The following UGT1A9 variants were observed in gnomAD, a reference collection of about 807,000 sequenced individuals.
UGT1A9 encodes the protein UDP glucuronosyltransferase family 1 member A9.
Under a neutral mutation model 45.0 loss-of-function variants are expected in UGT1A9, and 35 were observed. The ratio of observed to expected loss-of-function variants is 0.78; its 90% CI spans 0.59 to 1.03. UGT1A9 has a LOEUF of 1.03. UGT1A9 is among the 50% of genes least tolerant of loss of function. UGT1A9 has a pLI of 0.00. For synonymous variants in UGT1A9, 278 were observed against 250.6 expected (o/e 1.11, Z -1.03); for missense variants, 687 against 666.6 (o/e 1.03, Z -0.34).
chr2:233,752,963 T>C (rs372881238), intron 1 of UGT1A9, among the ~76,000 whole-genome samples: 4 of 152,322 alleles, frequency 2.6e-5, no homozygotes, highest in African/African-American at 4.8e-5. Context: ...GGGATTTATG[T>C]AACCAATTGT....
chr2:233,682,480 A>C (rs200477397), intron 1 of UGT1A9: 29 of 1,613,824 alleles, frequency 1.8e-5, no homozygotes, highest in Non-Finnish European at 2.4e-5. Context: ...AAGAAGGTGC[A>C]CAGTGCCCTG....
intron 1 of UGT1A9, among the ~76,000 whole-genome samples, chr2:233,765,711 T>TTAATAA (rs10664358): frequency 0.086 from 12,799 of 149,198 alleles, 827 homozygotes; most frequent in East Asian, 0.2. Flanking sequence ...ATAATAATAA[T>TTAATAA]TAATAATAAT....
intron 1 of UGT1A9, among the ~76,000 whole-genome samples, chr2:233,737,114 T>A (rs79657348): frequency 0.021 from 3,211 of 152,324 alleles, 101 homozygotes; most frequent in African/African-American, 0.073. Context: ...TCCCCACATG[T>A]TCAGAAGTTG....
Position 233,772,391 on chromosome 2 carries a change from C to T in UGT1A9, c.1425C>T (p.Ala475=), listed in dbSNP as rs1559420304. 6.2e-7 allele frequency: 1 copy of T among 1,614,114 alleles called. No individual in the cohort carries two copies. Among genetic ancestry groups the T allele is most frequent in the Non-Finnish European group, 8.5e-7 (1 of 1,180,052 alleles). The change falls in exon 5 of 5, where the codon GCC becomes GCT. Residue 475 remains alanine (A), a synonymous_variant. Coordinates refer to ENST00000354728, the MANE Select transcript of UGT1A9 (RefSeq NM_021027.3). ...HKGAPHLRPA[A]HDLTWYQYHS... is the part of the protein sequence containing the mutation. ...GCGCGCCACACCTGCGCCCCGCAGCCCACGACCTCACCTGGTACCAGTACC... is the reference window on the plus strand; with the variant it reads ...GCGCGCCACACCTGCGCCCCGCAGCTCACGACCTCACCTGGTACCAGTACC...
intron 1 of UGT1A9, among the ~76,000 whole-genome samples, chr2:233,711,498 C>T (rs1471685186): frequency 1.3e-5 from 2 of 152,172 alleles, no homozygotes; most frequent in African/African-American, 4.8e-5. Context: ...AGCTGAGAAT[C>T]CCTTTCTAGC....
intron 1 of UGT1A9, among the ~76,000 whole-genome samples, chr2:233,695,963 C>CTAATTCAGTTCT (rs2075316258): frequency 6.6e-6 from 1 of 152,174 alleles, no homozygotes; most frequent in Non-Finnish European, 1.5e-5. Flanking sequence ...TGGGTGTCCT[C>CTAATTCAGTTCT]TAATTCAGTT....
chr2:233,769,689 T>C lies in UGT1A9; in HGVS notation c.1295+1250T>C. On this transcript the variant is annotated intron_variant, in intron 4 of 4. Transcript: ENST00000354728. This position sits in a 1 kb window ranked among gnomAD's most constrained non-coding sequence, Gnocchi z 4.4. ...GGTGCTAATGTGTGTGTGGTGGCAC[T>C]GGATAAAAGATCAATGTTGGCTAGG... 6.5e-7 allele frequency: 1 copy of C among 1,550,140 alleles called. No homozygotes were observed. Among genetic ancestry groups the C allele is most frequent in the Non-Finnish European group, 8.7e-7 (1 of 1,147,494 alleles).
At chr2:233,715,722 T>C (rs754383024) in intron 1 of UGT1A9, among the ~76,000 whole-genome samples, 5 of 152,106 alleles carry the variant, frequency 3.3e-5, no homozygotes, top group Non-Finnish European at 5.9e-5. Flanking sequence ...CAGTGTGCCA[T>C]GTTCACGCCA....
Position 233,772,346 on chromosome 2 carries a change from G to C in UGT1A9, c.1380G>C (p.Glu460Asp), listed in dbSNP as rs115944950. ...TGGACCTGGCCGTGTTCTGGGTGGA[G>C]TTTGTGATGAGGCACAAGGGCGCGC... ...EPLDLAVFWVEFVMRHKGAPH... is the reference protein window; with the variant it reads ...EPLDLAVFWVDFVMRHKGAPH... Residue 460 changes from glutamate (E) to aspartate (D), a missense_variant, in exon 5 of 5, where the codon GAG (glutamate) becomes GAC (aspartate). Coordinates refer to ENST00000354728, the MANE Select transcript of UGT1A9 (RefSeq NM_021027.3). 30 of 1,614,132 alleles carry C rather than the reference G, an allele frequency of 1.9e-5. No individual in the cohort carries two copies. In the East Asian group the frequency reaches 6.5e-4, roughly 35 times the overall value.
At chr2:233,674,749 A>G (rs566007206) in intron 1 of UGT1A9, among the ~76,000 whole-genome samples, 6 of 152,348 alleles carry the variant, frequency 3.9e-5, no homozygotes, top group African/African-American at 1.2e-4. Context: ...TAATGTATGT[A>G]TTTATGACTA....
intron 1 of UGT1A9, chr2:233,760,528 G>A (rs2125985500): frequency 1.2e-6 from 2 of 1,614,248 alleles, no homozygotes; most frequent in East Asian, 4.5e-5. Context: ...GACGTACCCT[G>A]TGCCATTCCA....
chr2:233,729,958 G>A (rs2077960397), intron 1 of UGT1A9: 6 of 1,613,978 alleles, frequency 3.7e-6, no homozygotes, highest in Non-Finnish European at 5.1e-6. Context: ...CTTCATTGGG[G>A]GCATCAACTG....
At chr2:233,743,758 G>C (rs761738753) in intron 1 of UGT1A9, 2 of 1,367,326 alleles carry the variant, frequency 1.5e-6, no homozygotes, top group African/African-American at 1.5e-5. Flanking sequence ...ACAACACCTC[G>C]TAGGCCTCGG....
At chr2:233,734,402 G>T (rs2078521396) in intron 1 of UGT1A9, among the ~76,000 whole-genome samples, 1 of 152,028 alleles carries the variant, frequency 6.6e-6, no homozygotes. Flanking sequence ...GCGTCTATTT[G>T]ATTCTTCTCT....
Position 233,671,957 on chromosome 2 carries a change from G to A in UGT1A9, c.23G>A (p.Ser8Asn). The stretch of plus-strand genomic sequence containing the variant: ...CTGATGGCTTGCACAGGGTGGACCA[G>A]CCCCCTTCCTCTATGTGTGTGTCTG... MACTGWT[S>N]PLPLCVCLLL... is the part of the protein sequence containing the mutation. The change falls in exon 1 of 5, where the codon AGC becomes AAC. Residue 8 changes from serine to asparagine, a missense_variant. By Grantham distance (46) the Ser-to-Asn change is conservative. Coordinates refer to ENST00000354728, the MANE Select transcript of UGT1A9 (RefSeq NM_021027.3). 6.2e-7 allele frequency: 1 copy of A among 1,613,338 alleles called. No individual in the cohort carries two copies. Among genetic ancestry groups the A allele is most frequent in the Non-Finnish European group, 8.5e-7 (1 of 1,179,574 alleles).
At chr2:233,724,757 G>A (rs2077306288) in intron 1 of UGT1A9, among the ~76,000 whole-genome samples, 1 of 143,864 alleles carries the variant, frequency 7.0e-6, no homozygotes, top group Non-Finnish European at 1.5e-5. Context: ...CCAGACGATG[G>A]GCGGCCAGGC....
chr2:233,755,098 C>G (rs1292458921), intron 1 of UGT1A9: 1 of 1,334,792 alleles, frequency 7.5e-7, no homozygotes, highest in Non-Finnish European at 1.0e-6. Flanking sequence ...TTCTACGCGT[C>G]CGACAACACC....
chr2:233,713,259 G>A, intron 1 of UGT1A9: 1 of 1,614,246 alleles, frequency 6.2e-7, no homozygotes, highest in Non-Finnish European at 8.5e-7. Context: ...GGACGAATTT[G>A]ATCGCCTTTT....
intron 1 of UGT1A9, among the ~76,000 whole-genome samples, chr2:233,741,049 G>T (rs1450798291): frequency 1.3e-5 from 2 of 151,748 alleles, no homozygotes; most frequent in Non-Finnish European, 2.9e-5. Context: ...ATCTTGCCTA[G>T]GTAACAGCTA....
Sources: gnomAD v4.1 joint callset for allele counts (sites outside exome capture counted in the v4.1 genomes callset) on GRCh38, gnomAD v4.1.1 for gene constraint, Gnocchi (gnomAD v3.1) non-coding constraint, MANE v1.5 for transcripts, NCBI Gene and HGNC (gene_info 2026-07-23, HGNC 2026-07-21) for gene names.